The following RAP1GAP variants were observed in gnomAD, a reference collection of about 807,000 sequenced individuals.
RAP1GAP encodes rap1 GTPase-activating protein 1.
RAP1GAP carries 35 observed loss-of-function variants against 87.2 expected under a neutral mutation model. The observed-to-expected ratio is 0.40, with a 90% CI of 0.31 to 0.53. RAP1GAP has a LOEUF of 0.53. Among genes scored for constraint, RAP1GAP ranks in the 20% least tolerant of loss-of-function variants. The pLI, the probability that RAP1GAP is intolerant of heterozygous loss-of-function variation, is 0.48. For missense variants in RAP1GAP, 734 were observed against 898.9 expected, an observed-to-expected ratio of 0.82 and a Z score of 2.35; for synonymous variants, 375 against 363.9, an observed-to-expected ratio of 1.03 and a Z score of -0.35.
At chr1:21,607,574 A>C (rs116199043) in intron 17 of RAP1GAP, among the ~76,000 whole-genome samples, 1,606 of 152,072 alleles carry the variant, frequency 0.011, 30 homozygotes, top group African/African-American at 0.037. Flanking sequence ...CCCTCAGTCA[A>C]GACAGAGCCT....
rs139733672 is a variant in RAP1GAP, at chr1:21,610,207, G to C, written c.912C>G (p.Phe304Leu). The change falls in exon 14 of 25, where the codon TTC becomes TTG. Residue 304 changes from phenylalanine to leucine, a missense_variant. Physicochemically the swap from Phe to Leu is conservative, Grantham distance 22. Around this residue, in one of 2 missense-constraint regions of RAP1GAP, gnomAD observed 485 missense variants for 646.2 expected, o/e 0.75. Transcript: ENST00000374765. ...AVVFQDENTPFVPDMIASNFL... is the reference protein window; with the variant it reads ...AVVFQDENTPLVPDMIASNFL... ...AGTTGGACGCGATCATGTCGGGCAC[G>C]AAAGGAGTGTTCTCATCCTGGAAGA... The C allele has an allele frequency of 6.2e-7, 1 of 1,614,146 alleles. No individual in the cohort carries two copies. Among genetic ancestry groups the C allele is most frequent in the Non-Finnish European group, 8.5e-7 (1 of 1,180,032 alleles).
At chr1:21,652,514 C>A (rs181356665) in intron 1 of RAP1GAP, among the ~76,000 whole-genome samples, 4 of 152,096 alleles carry the variant, frequency 2.6e-5, no homozygotes, top group Non-Finnish European at 4.4e-5. Flanking sequence ...CCACCTGTCT[C>A]CCCTTCTCCC....
chr1:21,641,053 A>G (rs2095475125), intron 2 of RAP1GAP, among the ~76,000 whole-genome samples: 2 of 148,318 alleles, frequency 1.3e-5, no homozygotes, highest in African/African-American at 2.5e-5. Context: ...GATCACAGGC[A>G]TGCACCACTA....
rs1199711109 is a variant in RAP1GAP, at chr1:21,608,303, G to A, written c.1206C>T (p.His402=). 2.5e-6 allele frequency: 4 copies of A among 1,613,890 alleles called. No homozygotes were observed. The highest frequency in any genetic ancestry group is 8.5e-7 in the Non-Finnish European group (1 of 1,179,984). Residue 402 remains histidine (H), a synonymous_variant, in exon 17 of 25, where the codon CAC becomes CAT. Coordinates refer to ENST00000374765, the MANE Select transcript of RAP1GAP (RefSeq NM_002885.4). ...ALLETLYEEL[H]IHSQSMMGLG... is the part of the protein sequence containing the mutation. ...AGCCCATCATGGACTGGCTGTGGAT[G>A]TGTAGTTCCTCATAGAGCGTCTCCA...
rs1343665984 is a variant in RAP1GAP at position 21,598,410 on chromosome 1, G to A, written c.1869C>T (p.Gly623=). 1.9e-6 allele frequency: 3 copies of A among 1,613,046 alleles called. No homozygotes were observed. Among genetic ancestry groups the A allele is most frequent in the Non-Finnish European group, 2.5e-6 (3 of 1,179,026 alleles). The part of the protein sequence containing the change: ...LEDSVSTTSG[G]SSPGPSRSPH... Reference sequence around the variant, plus strand: ...GCCTTGTCCTGGTACCTGGGGAGCTGCCCCCACTAGTGGTGCTGACACTGT... The same window carrying A: ...GCCTTGTCCTGGTACCTGGGGAGCTACCCCCACTAGTGGTGCTGACACTGT... The change falls in exon 22 of 25, where the codon GGC becomes GGT. Residue 623 remains glycine (G), a synonymous_variant. Transcript: ENST00000374765.
Position 21,639,686 on chromosome 1 carries a change from C to A in RAP1GAP, c.-113+10075G>T, listed in dbSNP as rs375465454. ...CTCCTGTGGGGGCAGGCGGGGGGCA[C>A]AGGCACATCTGTGCGGATGTGGAGT... On this transcript the variant is annotated intron_variant, in intron 2 of 24. Coordinates refer to ENST00000374765, the MANE Select transcript of RAP1GAP (RefSeq NM_002885.4). Among the ~76,000 whole-genome samples, 46 of 152,286 alleles carry A rather than the reference C, an allele frequency of 3.0e-4. No homozygotes were observed. In the East Asian group the frequency reaches 6.8e-3, roughly 22 times the overall value.
At chr1:21,602,010 G>T (rs912745187) in intron 19 of RAP1GAP, among the ~76,000 whole-genome samples, 2 of 152,210 alleles carry the variant, frequency 1.3e-5, no homozygotes, top group Non-Finnish European at 2.9e-5. Context: ...GACAGGATGG[G>T]ACTCCTCCCA....
intron 1 of RAP1GAP, among the ~76,000 whole-genome samples, chr1:21,659,212 G>T (rs1407096695): frequency 6.6e-6 from 1 of 152,096 alleles, no homozygotes; most frequent in African/African-American, 2.4e-5. Flanking sequence ...GCCGAAGAAC[G>T]CTTTTTAAAA....
intron 1 of RAP1GAP, among the ~76,000 whole-genome samples, chr1:21,654,120 G>A (rs576181507): frequency 8.1e-4 from 117 of 144,176 alleles, no homozygotes; most frequent in African/African-American, 2.7e-3. Flanking sequence ...GTGGTTAGTG[G>A]GGGGTCACGT....
chr1:21,608,405 C>T, intron 16 of RAP1GAP, 55 bp from the exon 17 acceptor site: 2 of 1,582,524 alleles, frequency 1.3e-6, no homozygotes, highest in East Asian at 2.3e-5. Context: ...CCCTTCGGCC[C>T]ACAGTTCAAA....
chr1:21,638,837 C>T (rs1257843813), intron 2 of RAP1GAP, among the ~76,000 whole-genome samples: 1 of 152,172 alleles, frequency 6.6e-6, no homozygotes, highest in African/African-American at 2.4e-5. Flanking sequence ...TATGACTCAC[C>T]CCTTATTCCA....
intron 1 of RAP1GAP, among the ~76,000 whole-genome samples, chr1:21,664,041 G>T (rs1390752796): frequency 6.6e-6 from 1 of 152,236 alleles, no homozygotes; most frequent in Non-Finnish European, 1.5e-5. Context: ...AGATGGAAAG[G>T]GAGGCTCAAA....
At chr1:21,614,263 C>T (rs868267428) in intron 7 of RAP1GAP, among the ~76,000 whole-genome samples, 174 bp from the exon 8 acceptor site, 2 of 152,226 alleles carry the variant, frequency 1.3e-5, no homozygotes, top group Non-Finnish European at 2.9e-5. Flanking sequence ...CACTCTGCCA[C>T]TGACCAGCTG....
In RAP1GAP at chr1:21,617,459, G is replaced by A; in HGVS notation, c.138C>T (p.Ile46=). Residue 46 remains isoleucine, a synonymous_variant, in exon 7 of 25, where the codon ATC becomes ATT. Coordinates refer to ENST00000374765, the MANE Select transcript of RAP1GAP (RefSeq NM_002885.4). Reference sequence around the variant, plus strand: ...AGTAGCCCCCAAACTGGGGCAGCAGGATGAGGGGGAAGGGTCCTTCTCGCC... The same window carrying A: ...AGTAGCCCCCAAACTGGGGCAGCAGAATGAGGGGGAAGGGTCCTTCTCGCC... ...VLGREGPFPL[I]LLPQFGGYWI... The A allele has an allele frequency of 6.2e-7, 1 of 1,605,692 alleles. No homozygotes were observed. The highest frequency in any genetic ancestry group is 8.5e-7 in the Non-Finnish European group (1 of 1,176,566).
intron 2 of RAP1GAP, among the ~76,000 whole-genome samples, chr1:21,639,886 G>A (rs767583136): frequency 3.3e-5 from 5 of 152,158 alleles, no homozygotes; most frequent in Admixed American, 6.5e-5. Flanking sequence ...GGGAGGCCCC[G>A]GCAGGAGCGT....
chr1:21,658,804 G>A (rs1325008959), intron 1 of RAP1GAP, among the ~76,000 whole-genome samples: 1 of 151,382 alleles, frequency 6.6e-6, no homozygotes, highest in Non-Finnish European at 1.5e-5. Flanking sequence ...CTCTTGTGGT[G>A]TGGTCATGCC....
chr1:21,614,033 G>C lies in RAP1GAP; in HGVS notation c.348C>G (p.Leu116=). Residue 116 remains leucine (L), a synonymous_variant, in exon 8 of 25, where the codon CTC becomes CTG. Coordinates refer to ENST00000374765, the MANE Select transcript of RAP1GAP (RefSeq NM_002885.4). ...DAALGHLVFS[L]KYDVIGDQEH... ...CTTGGTCCCCGATGACATCGTACTT[G>C]AGTGAGAAGACAAGGTGGCCGAGGG... 1 of 1,612,988 alleles carries C rather than the reference G, an allele frequency of 6.2e-7. No individual in the cohort carries two copies. Among genetic ancestry groups the C allele is most frequent in the Non-Finnish European group, 8.5e-7 (1 of 1,179,366 alleles).
intron 21 of RAP1GAP, among the ~76,000 whole-genome samples, 187 bp from the exon 22 acceptor site, chr1:21,598,689 C>T (rs542678928): frequency 6.6e-6 from 1 of 152,346 alleles, no homozygotes; most frequent in South Asian, 2.1e-4. Context: ...CAGGCACAGA[C>T]CCAGGCACAC....
At chr1:21,627,190 C>T (rs1263847665) in intron 2 of RAP1GAP, among the ~76,000 whole-genome samples, 2 of 152,222 alleles carry the variant, frequency 1.3e-5, no homozygotes, top group African/African-American at 4.8e-5. Context: ...GCAAGCAGGC[C>T]TGGCTTCCGC....
Sources: allele counts gnomAD v4.1 joint callset (sites outside exome capture counted in the v4.1 genomes callset), GRCh38; gene constraint gnomAD v4.1.1; regional missense constraint gnomAD v4.1.1; transcripts MANE v1.5; gene names NCBI Gene and HGNC (gene_info 2026-07-23, HGNC 2026-07-21).